The following SNX13 variants were observed in gnomAD, a reference collection of about 807,000 sequenced individuals.
The protein encoded by SNX13 is sorting nexin 13.
In SNX13, 45 loss-of-function variants were observed where a neutral mutation model predicts 133.6. The ratio of observed to expected loss-of-function variants is 0.34; its 90% CI spans 0.27 to 0.43. The LOEUF is 0.43. SNX13 is among the 20% of genes least tolerant of loss of function. SNX13 has a pLI of 1.00. For missense variants in SNX13, 1,032 were observed against 1,145.1 expected, an observed-to-expected ratio of 0.90 and a Z score of 1.43; for synonymous variants, 414 against 373.9, an observed-to-expected ratio of 1.11 and a Z score of -1.24.
intron 11 of SNX13, among the ~76,000 whole-genome samples, chr7:17,846,518 G>C (rs997002710): frequency 1.3e-5 from 2 of 151,998 alleles, no homozygotes; most frequent in Admixed American, 1.3e-4. Context: ...ATTTTCACTG[G>C]CTTCTCTATA....
chr7:17,910,341 A>C (rs1798828100), intron 1 of SNX13, among the ~76,000 whole-genome samples: 1 of 152,202 alleles, frequency 6.6e-6, no homozygotes, highest in South Asian at 2.1e-4. Context: ...CTGGTTGAAA[A>C]ATCTGTTGCA....
At chr7:17,923,637 G>A (rs766099890) in intron 1 of SNX13, among the ~76,000 whole-genome samples, 4 of 152,146 alleles carry the variant, frequency 2.6e-5, no homozygotes, top group Admixed American at 1.3e-4. Flanking sequence ...AATAATCCAG[G>A]AGATCATGAA....
chr7:17,816,336 GT>G lies in SNX13; in HGVS notation c.1846-48del, dbSNP rs1583344672. On this transcript the variant is annotated intron_variant, in intron 18 of 25. Coordinates refer to ENST00000428135, the MANE Select transcript of SNX13 (RefSeq NM_015132.5). ...ATAGCACTTTTTATAAAGACAAAAG[GT>G]TTTCCCAAGTGATTATTTCTCTACA... The G allele has an allele frequency of 7.3e-6, 11 of 1,502,566 alleles. No individual in the cohort carries two copies. The East Asian group carries it at 2.8e-4, about 38-fold the overall frequency. The allele number at this position is 1,502,566 out of a possible 1,614,324, so 93.1% of individuals were successfully genotyped here.
At position 17,792,901 on chromosome 7, in the gene SNX13, G is replaced by A. The variant is rs1783687583; in HGVS notation, c.*1144C>T. 1 of 152,204 alleles carries A rather than the reference G, an allele frequency of 6.6e-6. No individual in the cohort carries two copies. 9.4% of individuals were successfully genotyped at this position (152,204 alleles called of 1,614,324 possible). On this transcript the variant is annotated 3_prime_UTR_variant, in exon 26 of 26. Transcript: ENST00000428135. Reference sequence around the variant, plus strand: ...ATTTATGGGTTTAAAGGTATACACTGAGGGGTCTTGCCTACTAGCTTTATT... The same window carrying A: ...ATTTATGGGTTTAAAGGTATACACTAAGGGGTCTTGCCTACTAGCTTTATT...
At chr7:17,857,153 T>A (rs1792009937) in intron 9 of SNX13, among the ~76,000 whole-genome samples, 1 of 151,922 alleles carries the variant, frequency 6.6e-6, no homozygotes, top group Non-Finnish European at 1.5e-5. Context: ...CTGAATAAAT[T>A]CCTCACACAT....
At chr7:17,883,622 T>TA in intron 5 of SNX13, among the ~76,000 whole-genome samples, 1 of 152,308 alleles carries the variant, frequency 6.6e-6, no homozygotes, top group East Asian at 1.9e-4. Context: ...GCACGTTTGT[T>TA]ACACAGGTAT....
intron 9 of SNX13, among the ~76,000 whole-genome samples, chr7:17,856,075 T>A (rs369024680): frequency 6.6e-6 from 1 of 152,190 alleles, no homozygotes; most frequent in African/African-American, 2.4e-5. Flanking sequence ...GTGAAGGAAG[T>A]CACCACAGAT....
chr7:17,875,916 T>C (rs1794678297), intron 5 of SNX13, 126 bp from the exon 6 acceptor site: 10 of 767,736 alleles, frequency 1.3e-5, no homozygotes, highest in Non-Finnish European at 2.0e-5. Context: ...GAGATTTTCA[T>C]TCATTATTAC....
At position 17,932,610 on chromosome 7, in the gene SNX13, C is replaced by T. The variant is rs189899203; in HGVS notation, c.12+7674G>A. On this transcript the variant is annotated intron_variant, in intron 1 of 25. Transcript: ENST00000428135. ...CTGGGAGTACACCTATGAGGCCCAT[C>T]CTCAGGAGTTTACTCTATTAGGGAA... is the stretch of plus-strand genomic sequence containing the variant. Among the ~76,000 whole-genome samples the T allele has an allele frequency of 5.9e-5, 9 of 152,302 alleles. No individual in the cohort carries two copies. The East Asian group carries it at 1.3e-3, about 23-fold the overall frequency.
At chr7:17,909,964 T>C (rs1450684603) in intron 1 of SNX13, among the ~76,000 whole-genome samples, 1 of 152,168 alleles carries the variant, frequency 6.6e-6, no homozygotes, top group African/African-American at 2.4e-5. Context: ...TACAAGAAAT[T>C]GTTTTAGTAA....
chr7:17,839,732 G>T, intron 13 of SNX13, 75 bp downstream of exon 13: 1 of 1,215,762 alleles, frequency 8.2e-7, no homozygotes, highest in Non-Finnish European at 1.1e-6. Flanking sequence ...TAGTCAGCCT[G>T]GCATAAGCAA....
Position 17,834,038 on chromosome 7 carries a change from G to T in SNX13, c.1597+14C>A. 6.6e-7 allele frequency: 1 copy of T among 1,504,218 alleles called. No individual in the cohort carries two copies. Among genetic ancestry groups the T allele is most frequent in the South Asian group, 1.3e-5 (1 of 74,670 alleles). The allele number at this position is 1,504,218 out of a possible 1,614,324, so 93.2% of individuals were successfully genotyped here. ...TATATATGCATATTATGTGTAAAAT[G>T]GGTGCCACCTTACCTCCATCCCCAT... On this transcript the variant is annotated intron_variant, in intron 15 of 25. Coordinates refer to ENST00000428135, the MANE Select transcript of SNX13 (RefSeq NM_015132.5).
At chr7:17,906,989 G>C (rs139368929) in intron 1 of SNX13, among the ~76,000 whole-genome samples, 107 of 152,322 alleles carry the variant, frequency 7.0e-4, no homozygotes, top group African/African-American at 2.5e-3. Flanking sequence ...CAAGCTGACA[G>C]AAACATTTCC....
chr7:17,875,817 G>T (rs568093756), intron 5 of SNX13, 27 bp from the exon 6 acceptor site: 2 of 1,517,218 alleles, frequency 1.3e-6, no homozygotes, highest in South Asian at 2.5e-5. Flanking sequence ...TACATAAAAG[G>T]ATTATATAAA....
At chr7:17,860,876 T>G (rs767737712) in intron 9 of SNX13, among the ~76,000 whole-genome samples, 4 of 152,210 alleles carry the variant, frequency 2.6e-5, no homozygotes, top group Non-Finnish European at 5.9e-5. Flanking sequence ...GTAATAGGTT[T>G]TGAAATCAGG....
intron 20 of SNX13, among the ~76,000 whole-genome samples, chr7:17,809,835 T>C (rs966010748): frequency 6.6e-6 from 1 of 152,096 alleles, no homozygotes; most frequent in Non-Finnish European, 1.5e-5. Context: ...ACAGCACAAC[T>C]ACATGGAAAC....
Position 17,804,000 on chromosome 7 carries a change from T to C in SNX13, c.2065-420A>G, listed in dbSNP as rs145874330. Among the ~76,000 whole-genome samples, 74 of 151,784 alleles carry C rather than the reference T, an allele frequency of 4.9e-4. 1 individual carries two copies. In the East Asian group the frequency reaches 0.013, roughly 27 times the overall value. On this transcript the variant is annotated intron_variant, in intron 20 of 25. Transcript: ENST00000428135. Reference sequence around the variant, plus strand: ...TGATCTCAGGAGTTCAAGGCTGCAGTGAGCCGTGATCATGTCACTGCACTC... The same window carrying C: ...TGATCTCAGGAGTTCAAGGCTGCAGCGAGCCGTGATCATGTCACTGCACTC...
intron 1 of SNX13, among the ~76,000 whole-genome samples, chr7:17,912,486 T>A (rs934401152): frequency 1.3e-5 from 2 of 151,934 alleles, no homozygotes; most frequent in Non-Finnish European, 2.9e-5. Flanking sequence ...CTTGACTCAC[T>A]GCAACCTCCT....
At chr7:17,849,082 T>A (rs1790897586) in intron 11 of SNX13, among the ~76,000 whole-genome samples, 1 of 152,184 alleles carries the variant, frequency 6.6e-6, no homozygotes, top group African/African-American at 2.4e-5. Flanking sequence ...ACAAAATTCA[T>A]CTCCATCACT....
Sources: allele counts gnomAD v4.1 joint callset (sites outside exome capture counted in the v4.1 genomes callset), GRCh38; gene constraint gnomAD v4.1.1; transcripts MANE v1.5; gene names NCBI Gene and HGNC (gene_info 2026-07-23, HGNC 2026-07-21).